The following TOP6BL variants were observed in gnomAD, a reference collection of about 807,000 sequenced individuals.
TOP6BL encodes the protein TOP6B like initiator of meiotic double strand breaks.
the TOP6BL span, among the ~76,000 whole-genome samples, chr11:66,777,388 G>C: frequency 2.6e-5 from 4 of 152,050 alleles, no homozygotes; most frequent in Admixed American, 6.6e-5. Context: ...AAATTGTTTT[G>C]AGGATTAAGT....
At chr11:66,796,311 G>C in the TOP6BL span, 4 of 1,610,830 alleles carry the variant, frequency 2.5e-6, no homozygotes, top group African/African-American at 5.3e-5. Flanking sequence ...CTTGATGACA[G>C]ATTGTCTGGT....
the TOP6BL span, among the ~76,000 whole-genome samples, chr11:66,798,604 A>G: frequency 6.6e-6 from 1 of 151,380 alleles, no homozygotes; most frequent in Non-Finnish European, 1.5e-5. Context: ...TCTCAAAAAA[A>G]AAAAAAAAAA....
the TOP6BL span, chr11:66,788,296 T>C: frequency 2.8e-6 from 4 of 1,438,032 alleles, no homozygotes; most frequent in African/African-American, 5.6e-5. Context: ...TCTTATAAAT[T>C]ACTAATGATT....
the TOP6BL span, among the ~76,000 whole-genome samples, chr11:66,818,227 CA>C: frequency 6.6e-6 from 1 of 152,140 alleles, no homozygotes. Context: ...TTGAACAAAC[CA>C]TTGTTGGCTG....
the TOP6BL span, among the ~76,000 whole-genome samples, chr11:66,821,422 G>A: frequency 1.3e-5 from 2 of 151,972 alleles, no homozygotes; most frequent in Admixed American, 1.3e-4. Flanking sequence ...CGAGTAGCTG[G>A]GACTACAGGT....
At chr11:66,744,937 G>T in the TOP6BL span, 56 of 1,251,116 alleles carry the variant, frequency 4.5e-5, no homozygotes, top group Non-Finnish European at 5.1e-5. Context: ...TGGGAAGGGA[G>T]AGAAAGCGGA....
chr11:66,830,730 G>A, the TOP6BL span, among the ~76,000 whole-genome samples: 2 of 152,234 alleles, frequency 1.3e-5, no homozygotes, highest in South Asian at 4.1e-4. Flanking sequence ...AGGATTATCA[G>A]AATATTTTGA....
At chr11:66,804,530 G>A in the TOP6BL span, among the ~76,000 whole-genome samples, 7 of 152,190 alleles carry the variant, frequency 4.6e-5, no homozygotes, top group African/African-American at 1.7e-4. Flanking sequence ...TCTCTGTATA[G>A]TAAGAAACCA....
At chr11:66,775,789 A>G in the TOP6BL span, among the ~76,000 whole-genome samples, 3 of 152,212 alleles carry the variant, frequency 2.0e-5, no homozygotes, top group African/African-American at 4.8e-5. Flanking sequence ...CTATCCCGCC[A>G]TCTTGCTGAT....
chr11:66,774,627 T>G, the TOP6BL span, among the ~76,000 whole-genome samples: 1 of 151,790 alleles, frequency 6.6e-6, no homozygotes, highest in Non-Finnish European at 1.5e-5. Context: ...CTAATTTTTT[T>G]GTTTTTTTGT....
the TOP6BL span, among the ~76,000 whole-genome samples, chr11:66,745,249 G>A: frequency 1.3e-5 from 2 of 151,582 alleles, no homozygotes; most frequent in African/African-American, 2.4e-5. Flanking sequence ...CCATGCACCG[G>A]GTGCTGGGAG....
chr11:66,800,407 A>G, the TOP6BL span, among the ~76,000 whole-genome samples: 1 of 152,228 alleles, frequency 6.6e-6, no homozygotes, highest in South Asian at 2.1e-4. Context: ...AAAAAATGCT[A>G]GTAAGTTATG....
the TOP6BL span, chr11:66,744,801 A>C: frequency 7.9e-6 from 10 of 1,271,112 alleles, no homozygotes; most frequent in Non-Finnish European, 9.9e-6. Flanking sequence ...GCGGAGTTCC[A>C]AGCCCGGGCT....
the TOP6BL span, among the ~76,000 whole-genome samples, chr11:66,783,822 G>A: frequency 1.3e-5 from 2 of 151,548 alleles, no homozygotes; most frequent in Non-Finnish European, 2.9e-5. Flanking sequence ...GTATATTTTC[G>A]GGATTGTATA....
chr11:66,766,504 G>A, the TOP6BL span, among the ~76,000 whole-genome samples: 2 of 151,928 alleles, frequency 1.3e-5, no homozygotes, highest in Non-Finnish European at 2.9e-5. Flanking sequence ...CATCTACCTT[G>A]CCACAAAGAA....
At chr11:66,788,375 A>G in the TOP6BL span, 3 of 868,076 alleles carry the variant, frequency 3.5e-6, no homozygotes, top group Non-Finnish European at 5.3e-6. Context: ...TCCAAGCTGG[A>G]ATGAAATAAG....
chr11:66,753,904 C>T, the TOP6BL span, among the ~76,000 whole-genome samples: 2 of 151,944 alleles, frequency 1.3e-5, no homozygotes, highest in African/African-American at 4.8e-5. Context: ...AGAGTTTCAC[C>T]ATGTTGGCTA....
chr11:66,751,473 G>A, the TOP6BL span, among the ~76,000 whole-genome samples: 5 of 150,816 alleles, frequency 3.3e-5, no homozygotes, highest in African/African-American at 1.2e-4. Flanking sequence ...GATTATAGGC[G>A]TGAGCCACCG....
the TOP6BL span, among the ~76,000 whole-genome samples, chr11:66,798,646 T>C: frequency 2.1e-5 from 3 of 145,946 alleles, no homozygotes; most frequent in Non-Finnish European, 4.5e-5. Flanking sequence ...GTTGAGAGAA[T>C]GGCAAAGAGG....
Sources: allele counts gnomAD v4.1 joint callset (sites outside exome capture counted in the v4.1 genomes callset), GRCh38; gene constraint gnomAD v4.1.1; transcripts MANE v1.5; gene names NCBI Gene and HGNC (gene_info 2026-07-23, HGNC 2026-07-21).